WDR64: variants seen among roughly 807,000 people sequenced by gnomAD.
The protein encoded by WDR64 is WD repeat-containing protein 64.
A neutral mutation model predicts 139.3 loss-of-function variants in WDR64; 112 were observed. The observed-to-expected ratio is 0.80, with a 90% confidence interval of 0.69 to 0.94. WDR64 has a LOEUF of 0.94. WDR64 is among the 40% of genes least tolerant of loss of function. The pLI is 0.00. For missense variants in WDR64, 1,206 were observed against 1,293.1 expected, an observed-to-expected ratio of 0.93 and a Z score of 1.03; for synonymous variants, 444 against 437.7, an observed-to-expected ratio of 1.01 and a Z score of -0.18.
rs560996572 is a variant in WDR64 at position 241,673,400 on chromosome 1, A to G, written c.380-1244A>G. Among the ~76,000 whole-genome samples the G allele has an allele frequency of 2.6e-5, 4 of 152,326 alleles. No individual in the cohort carries two copies. In the South Asian group the frequency reaches 6.2e-4, roughly 24 times the overall value. On this transcript the variant is annotated intron_variant, in intron 3 of 27. Coordinates refer to ENST00000437684, the MANE Select transcript of WDR64 (RefSeq NM_001367482.1). ...AGCAGAGAGAATGATGGTGGCTTGC[A>G]ATAGGGCAGTGTTTCTCCATCTTTT...
intron 11 of WDR64, among the ~76,000 whole-genome samples, chr1:241,740,556 T>C (rs1041472569): frequency 6.6e-6 from 1 of 152,102 alleles, no homozygotes; most frequent in African/African-American, 2.4e-5. Flanking sequence ...CTTGAGAAAC[T>C]CAATGCAAAA....
chr1:241,761,730 T>C (rs1215133882), intron 15 of WDR64, among the ~76,000 whole-genome samples: 2 of 152,200 alleles, frequency 1.3e-5, no homozygotes, highest in Non-Finnish European at 2.9e-5. Flanking sequence ...ATCATCTAAG[T>C]TTAGGTAATA....
At chr1:241,717,205 T>C (rs1032037677) in intron 9 of WDR64, among the ~76,000 whole-genome samples, 1 of 152,226 alleles carries the variant, frequency 6.6e-6, no homozygotes, top group Non-Finnish European at 1.5e-5. Flanking sequence ...GGTGAGTTTC[T>C]TACTACCTAT....
chr1:241,787,027 A>C (rs1659060177), intron 23 of WDR64, among the ~76,000 whole-genome samples: 1 of 152,082 alleles, frequency 6.6e-6, no homozygotes, highest in African/African-American at 2.4e-5. Flanking sequence ...AATATTTCCC[A>C]AAAAGTTTGC....
In WDR64 at chr1:241,801,454, G is replaced by T; in HGVS notation, c.*239G>T. On this transcript the variant is annotated 3_prime_UTR_variant, in exon 28 of 28. Coordinates refer to ENST00000437684, the MANE Select transcript of WDR64 (RefSeq NM_001367482.1). ...GTTTCTTATTTACTGTCAGCAAACT[G>T]ACACATAAGAAAACAAATGAAATCA... The T allele has an allele frequency of 2.1e-6, 1 of 475,452 alleles. No homozygotes were observed. Among genetic ancestry groups the T allele is most frequent in the South Asian group, 5.2e-5 (1 of 19,394 alleles). The allele number at this position is 475,452 out of a possible 1,614,324, so 29.5% of individuals were successfully genotyped here. A position where few individuals can be genotyped will look rare whatever the true frequency, so the allele number is the denominator to read the frequency against.
chr1:241,652,449 C>T lies in WDR64; in HGVS notation c.-36C>T, dbSNP rs1665396018. ...TCCAAATTGGTAAACTTGCAGTATT[C>T]TTTCTGTACAGAAGTAAAAGATCCC... On this transcript the variant is annotated 5_prime_UTR_variant, in exon 1 of 28. Coordinates refer to ENST00000437684, the MANE Select transcript of WDR64 (RefSeq NM_001367482.1). 1 of 1,535,760 alleles carries T rather than the reference C, an allele frequency of 6.5e-7. No individual in the cohort carries two copies. Among genetic ancestry groups the T allele is most frequent in the African/African-American group, 1.4e-5 (1 of 71,988 alleles).
intron 24 of WDR64, among the ~76,000 whole-genome samples, chr1:241,790,305 T>C (rs1159178146): frequency 6.6e-6 from 1 of 152,130 alleles, no homozygotes; most frequent in African/African-American, 2.4e-5. Context: ...GAGCCGAGAT[T>C]GCACTACTAC....
At chr1:241,735,534 T>TCCC (rs1491333965) in intron 10 of WDR64, among the ~76,000 whole-genome samples, 7 of 26,104 alleles carry the variant, frequency 2.7e-4, no homozygotes, top group African/African-American at 6.3e-4. Flanking sequence ...TCTCTCTCTC[T>TCCC]TTTTTTTTTT....
At chr1:241,775,677 C>A (rs1574089266) in intron 21 of WDR64, among the ~76,000 whole-genome samples, 1 of 152,080 alleles carries the variant, frequency 6.6e-6, no homozygotes, top group Non-Finnish European at 1.5e-5. Context: ...TTCTTCCATT[C>A]TTCCTTTATG....
chr1:241,655,705 C>CT (rs1553359575), intron 1 of WDR64, among the ~76,000 whole-genome samples: 1,911 of 29,002 alleles, frequency 0.066, 54 homozygotes, highest in African/African-American at 0.096. Flanking sequence ...TTTTTCTTTT[C>CT]TTTTTTTTTT....
intron 9 of WDR64, among the ~76,000 whole-genome samples, chr1:241,714,983 G>A (rs1668346758): frequency 6.6e-6 from 1 of 152,154 alleles, no homozygotes. Context: ...GGAAAATTTG[G>A]AACCCAGTTT....
intron 2 of WDR64, among the ~76,000 whole-genome samples, chr1:241,667,980 G>C (rs533662347): frequency 6.6e-6 from 1 of 152,204 alleles, no homozygotes; most frequent in Non-Finnish European, 1.5e-5. Context: ...ACAAAATGTA[G>C]CTAGAAGAGG....
At chr1:241,765,941 G>A (rs558885627) in intron 15 of WDR64, among the ~76,000 whole-genome samples, 1 of 152,246 alleles carries the variant, frequency 6.6e-6, no homozygotes, top group Admixed American at 6.5e-5. Flanking sequence ...GGAAGAGGAA[G>A]ACGGGAAGAA....
At chr1:241,673,033 T>A (rs1158087657) in intron 3 of WDR64, among the ~76,000 whole-genome samples, 1 of 152,166 alleles carries the variant, frequency 6.6e-6, no homozygotes, top group East Asian at 1.9e-4. Context: ...TCATGTCCTT[T>A]GTAGGGACGT....
At chr1:241,698,129 C>T (rs976202575) in intron 8 of WDR64, among the ~76,000 whole-genome samples, 1 of 152,160 alleles carries the variant, frequency 6.6e-6, no homozygotes, top group African/African-American at 2.4e-5. Context: ...ATCTCATAGT[C>T]CCTCAGACTC....
chr1:241,718,191 C>T (rs978183390), intron 9 of WDR64, among the ~76,000 whole-genome samples: 2 of 152,110 alleles, frequency 1.3e-5, no homozygotes, highest in African/African-American at 4.8e-5. Flanking sequence ...CCAAACACTG[C>T]TATCAATGAG....
chr1:241,714,461 T>C (rs958686701), intron 9 of WDR64, among the ~76,000 whole-genome samples: 1 of 152,142 alleles, frequency 6.6e-6, no homozygotes, highest in Middle Eastern at 3.2e-3. Flanking sequence ...CTCTCAAACA[T>C]ACACAGCAGG....
intron 23 of WDR64, among the ~76,000 whole-genome samples, chr1:241,784,965 A>G (rs1437488627): frequency 3.3e-5 from 5 of 149,588 alleles, no homozygotes; most frequent in Non-Finnish European, 5.9e-5. Context: ...AAAAAAAAAA[A>G]AAAAAAAAAA....
At chr1:241,773,511 C>A (rs1050228589) in intron 20 of WDR64, among the ~76,000 whole-genome samples, 1 of 152,098 alleles carries the variant, frequency 6.6e-6, no homozygotes, top group African/African-American at 2.4e-5. Context: ...TCTCTGTCAC[C>A]CAGGCTGGAG....
Sources: allele counts gnomAD v4.1 joint callset (sites outside exome capture counted in the v4.1 genomes callset), GRCh38; gene constraint gnomAD v4.1.1; transcripts MANE v1.5; gene names NCBI Gene and HGNC (gene_info 2026-07-23, HGNC 2026-07-21).